The following BICDL1 variants were observed in gnomAD, a reference collection of about 807,000 sequenced individuals.
The protein encoded by BICDL1 is BICD family-like cargo adapter 1.
In BICDL1, 20 loss-of-function variants were observed where a neutral mutation model predicts 76.8. The observed-to-expected ratio is 0.26, with a 90% CI of 0.18 to 0.38. The LOEUF is 0.38. Ranked by LOEUF, BICDL1 falls within the 10% of genes least tolerant of loss-of-function variation. The pLI is 1.00. For missense variants in BICDL1, 700 were observed against 798.6 expected, an observed-to-expected ratio of 0.88 and a Z score of 1.49; for synonymous variants, 383 against 337.1, an observed-to-expected ratio of 1.14 and a Z score of -1.49.
Position 120,071,901 on chromosome 12 carries a change from C to A in BICDL1, c.1089+100C>A. ...AGCTGCCATCCTGGCAAGGCTGTGC[C>A]CCTGTGCCTGTGTCAGCCCCTTGGC... On this transcript the variant is annotated intron_variant, in intron 5 of 9. Coordinates refer to ENST00000548673, the MANE Select transcript of BICDL1 (RefSeq NM_001367886.1). The surrounding 1 kb of genome is among the most constrained non-coding windows in gnomAD (Gnocchi z 4.8). 1 of 1,424,784 alleles carries A rather than the reference C, an allele frequency of 7.0e-7. No homozygotes were observed. The highest frequency in any genetic ancestry group is 3.0e-5 in the Admixed American group (1 of 33,524). 88.3% of individuals were successfully genotyped at this position (1,424,784 alleles called of 1,614,324 possible). A position where few individuals can be genotyped will look rare whatever the true frequency, so the allele number is the denominator to read the frequency against.
intron 2 of BICDL1, among the ~76,000 whole-genome samples, chr12:120,045,211 A>G (rs933500176): frequency 1.3e-5 from 2 of 152,226 alleles, no homozygotes; most frequent in Admixed American, 6.5e-5. Context: ...AATCAAAACC[A>G]CAATGACATA....
intron 2 of BICDL1, among the ~76,000 whole-genome samples, chr12:120,030,679 G>T (rs1265002826): frequency 1.5e-4 from 23 of 152,210 alleles, no homozygotes; most frequent in Admixed American, 1.5e-3. Flanking sequence ...AGTGCAGGAT[G>T]ACCCACATCA....
chr12:120,030,599 C>T lies in BICDL1; in HGVS notation c.646-31111C>T, dbSNP rs759518021. On this transcript the variant is annotated intron_variant, in intron 2 of 9. Coordinates refer to ENST00000548673, the MANE Select transcript of BICDL1 (RefSeq NM_001367886.1). ...AGGAACCTCAAACTAAATGACTTGC[C>T]CAAGGTCACATAACATTATTGATAG... is the stretch of plus-strand genomic sequence containing the variant. Among the ~76,000 whole-genome samples the T allele has an allele frequency of 2.0e-5, 3 of 152,262 alleles. 1 individual carries two copies. The highest frequency in any genetic ancestry group is 4.4e-5 in the Non-Finnish European group (3 of 68,014).
At chr12:120,092,924 C>G in intron 9 of BICDL1, 76 bp from the exon 10 acceptor site, 2 of 1,486,204 alleles carry the variant, frequency 1.3e-6, no homozygotes, top group Non-Finnish European at 1.8e-6. Flanking sequence ...GTCTGATGTT[C>G]CCACCTCCCT....
In BICDL1 at chr12:119,989,626, A is replaced by G. The variant is rs1594077085; in HGVS notation, c.-243A>G. ...CACCACCTACTCCGCCACTACCCCCACCCCCTCCTCCCGCGCGCGCCTGAG... is the reference window on the plus strand; with the variant it reads ...CACCACCTACTCCGCCACTACCCCCGCCCCCTCCTCCCGCGCGCGCCTGAG... On this transcript the variant is annotated 5_prime_UTR_variant, in exon 1 of 10. Coordinates refer to ENST00000548673, the MANE Select transcript of BICDL1 (RefSeq NM_001367886.1). Among the ~76,000 whole-genome samples the G allele has an allele frequency of 7.4e-6, 1 of 134,458 alleles. No homozygotes were observed. Among genetic ancestry groups the G allele is most frequent in the African/African-American group, 2.8e-5 (1 of 36,036 alleles). 88.2% of individuals were successfully genotyped at this position (134,458 alleles called of 152,430 possible).
intron 2 of BICDL1, among the ~76,000 whole-genome samples, chr12:119,999,504 T>C (rs1855488622): frequency 6.6e-6 from 1 of 152,258 alleles, no homozygotes; most frequent in Non-Finnish European, 1.5e-5. Flanking sequence ...GTACACTTTT[T>C]GTATTGTTTA....
chr12:120,016,450 T>C (rs989813196), intron 2 of BICDL1, among the ~76,000 whole-genome samples: 8 of 148,522 alleles, frequency 5.4e-5, no homozygotes, highest in African/African-American at 9.9e-5. Flanking sequence ...TTTTTTTTTT[T>C]TTTTTTTGAG....
At chr12:120,051,280 T>C (rs1006304893) in intron 2 of BICDL1, among the ~76,000 whole-genome samples, 2 of 151,424 alleles carry the variant, frequency 1.3e-5, no homozygotes, top group African/African-American at 4.9e-5. Context: ...AATCCTGACT[T>C]CGTGATCTGC....
Position 120,045,272 on chromosome 12 carries a change from A to G in BICDL1, c.646-16438A>G, listed in dbSNP as rs555716481. ...ATCATTAAAAAGTCAGGAAACAACA[A>G]GTGCTGGAGAGAATGTGGAGAAATA... On this transcript the variant is annotated intron_variant, in intron 2 of 9. Coordinates refer to ENST00000548673, the MANE Select transcript of BICDL1 (RefSeq NM_001367886.1). 2.4e-4 allele frequency among the ~76,000 whole-genome samples: 37 copies of G among 152,262 alleles called. No individual in the cohort carries two copies. The South Asian group carries it at 7.0e-3, about 29-fold the overall frequency.
intron 2 of BICDL1, among the ~76,000 whole-genome samples, chr12:120,028,253 G>A (rs1467605403): frequency 4.6e-5 from 7 of 152,124 alleles, no homozygotes; most frequent in South Asian, 4.1e-4. Context: ...ATTTTTACTC[G>A]AGTTTTAATT....
intron 2 of BICDL1, among the ~76,000 whole-genome samples, chr12:120,020,287 GAC>G (rs918610028): frequency 6.6e-6 from 1 of 152,206 alleles, no homozygotes; most frequent in Non-Finnish European, 1.5e-5. Flanking sequence ...GTGTCAAAAG[GAC>G]AGAGAAGCCA....
chr12:120,086,139 C>A (rs1235751377), intron 8 of BICDL1, among the ~76,000 whole-genome samples: 1 of 152,150 alleles, frequency 6.6e-6, no homozygotes, highest in East Asian at 1.9e-4. Flanking sequence ...CTTGCAAATT[C>A]TCCCCTCTGG....
chr12:120,015,892 C>A (rs533662259), intron 2 of BICDL1, among the ~76,000 whole-genome samples: 7 of 152,178 alleles, frequency 4.6e-5, no homozygotes, highest in African/African-American at 1.7e-4. Context: ...TATTTTGAAA[C>A]AGCCTTATTG....
intron 1 of BICDL1, 98 bp downstream of exon 1, chr12:119,990,395 C>G (rs2138566819): frequency 6.7e-7 from 1 of 1,492,776 alleles, no homozygotes; most frequent in South Asian, 1.3e-5. Context: ...CACTTCGTTG[C>G]TCACCCTACC....
intron 2 of BICDL1, among the ~76,000 whole-genome samples, chr12:120,060,946 G>A (rs1471605152): frequency 2.0e-5 from 3 of 152,120 alleles, no homozygotes; most frequent in Non-Finnish European, 2.9e-5. Flanking sequence ...AAGCATTGAG[G>A]CAGTTACTTA....
In BICDL1 at chr12:120,094,100, A is replaced by T; in HGVS notation, c.*939A>T. ...GCACAGGCACCACGGGGTGGAGGGG[A>T]GGGGGAGGCTGCCGGAAGCCTCCAG... On this transcript the variant is annotated 3_prime_UTR_variant, in exon 10 of 10. Transcript: ENST00000548673. The T allele has an allele frequency of 2.4e-6, 1 of 423,068 alleles. No individual in the cohort carries two copies. Among genetic ancestry groups the T allele is most frequent in the Non-Finnish European group, 4.8e-6 (1 of 209,160 alleles). The allele number at this position is 423,068 out of a possible 1,614,324, so 26.2% of individuals were successfully genotyped here.
intron 9 of BICDL1, chr12:120,090,767 T>C: frequency 3.2e-6 from 2 of 634,726 alleles, no homozygotes; most frequent in Admixed American, 2.6e-5. Context: ...TTGGTGACCA[T>C]TCCTCCCAGG....
At chr12:119,999,949 A>T (rs1331788153) in intron 2 of BICDL1, 1 of 253,554 alleles carries the variant, frequency 3.9e-6, no homozygotes, top group East Asian at 1.1e-4. Flanking sequence ...GGAAAAGTGT[A>T]AATAGGGCAG....
intron 3 of BICDL1, among the ~76,000 whole-genome samples, chr12:120,064,396 A>T (rs970889555): frequency 6.6e-6 from 1 of 151,696 alleles, no homozygotes; most frequent in Non-Finnish European, 1.5e-5. Flanking sequence ...AGTTGTAAGG[A>T]TGGGGTAAAG....
Sources: gnomAD v4.1 joint callset for allele counts (sites outside exome capture counted in the v4.1 genomes callset) on GRCh38, gnomAD v4.1.1 for gene constraint, Gnocchi (gnomAD v3.1) non-coding constraint, MANE v1.5 for transcripts, NCBI Gene and HGNC (gene_info 2026-07-23, HGNC 2026-07-21) for gene names.